The following MYADM variants were observed in gnomAD, a reference collection of about 807,000 sequenced individuals.
MYADM encodes myeloid-associated differentiation marker.
For synonymous variants in MYADM, 224 were observed against 210.2 expected (o/e 1.07, Z -0.57); for missense variants, 416 against 443.4 (o/e 0.94, Z 0.56).
In MYADM at chr19:53,873,874, G is replaced by A. The variant is rs1177924458; in HGVS notation, c.345G>A (p.Ser115=). 1.2e-6 allele frequency: 2 copies of A among 1,613,154 alleles called. No individual in the cohort carries two copies. Among genetic ancestry groups the A allele is most frequent in the Non-Finnish European group, 1.7e-6 (2 of 1,180,010 alleles). ...GCTATGCGGCCCTCTTCTGCCTCTC[G>A]GCCTCCATCATCTACCCCACCACCT... ...FACYAALFCL[S]ASIIYPTTYV... is the part of the protein sequence containing the mutation. Residue 115 remains serine, a synonymous_variant, in exon 3 of 3, where the codon TCG becomes TCA. Transcript: ENST00000391770. This position sits in a 1 kb window ranked among gnomAD's most constrained non-coding sequence, Gnocchi z 4.3.
Position 53,874,244 on chromosome 19 carries a change from T to C in MYADM, c.715T>C (p.Phe239Leu), listed in dbSNP as rs765535366. The C allele has an allele frequency of 6.2e-7, 1 of 1,610,730 alleles. No homozygotes were observed. The highest frequency in any genetic ancestry group is 2.2e-5 in the East Asian group (1 of 44,806). Reference sequence around the variant, plus strand: ...CGTGCTACCCATCCCCTTCCCCAGCTTCCTGTCGGGGCTGGCCTTGCTGTC... The same window carrying C: ...CGTGCTACCCATCCCCTTCCCCAGCCTCCTGTCGGGGCTGGCCTTGCTGTC... The part of the protein sequence containing the change: ...TNVLPIPFPS[F>L]LSGLALLSVL... The change falls in exon 3 of 3, where the codon TTC becomes CTC. Residue 239 changes from phenylalanine (F) to leucine (L), a missense_variant. Phe to Leu is a conservative substitution (Grantham distance 22). Transcript: ENST00000391770.
At position 53,875,933 on chromosome 19, in the gene MYADM, C is replaced by T. The variant is rs980077879; in HGVS notation, c.*1435C>T. 1 of 167,032 alleles carries T rather than the reference C, an allele frequency of 6.0e-6. No homozygotes were observed. The highest frequency in any genetic ancestry group is 2.4e-5 in the African/African-American group (1 of 41,418). 10.3% of individuals were successfully genotyped at this position (167,032 alleles called of 1,614,324 possible). The stretch of plus-strand genomic sequence containing the variant: ...ATTTGTGAGGGACAGCGATGTGGCC[C>T]TCTGTGTTAAGAATAACGTGTCCTG... On this transcript the variant is annotated 3_prime_UTR_variant, in exon 3 of 3. Coordinates refer to ENST00000391770, the MANE Select transcript of MYADM (RefSeq NM_138373.5).
chr19:53,868,803 G>A lies in MYADM; in HGVS notation c.-88+860G>A, dbSNP rs1390153174. ...GTCTGGCTGCGCATTCCTGAGCTCT[G>A]ATCTCGGGCGATGGCTGGAGGCCCT... is the stretch of plus-strand genomic sequence containing the variant. On this transcript the variant is annotated intron_variant, in intron 1 of 2. Coordinates refer to ENST00000391770, the MANE Select transcript of MYADM (RefSeq NM_138373.5). The surrounding 1 kb of genome is among the most constrained non-coding windows in gnomAD (Gnocchi z 6.3). 6.6e-6 allele frequency: 1 copy of A among 152,208 alleles called. No homozygotes were observed. The highest frequency in any genetic ancestry group is 2.4e-5 in the African/African-American group (1 of 41,438). 9.4% of individuals were successfully genotyped at this position (152,208 alleles called of 1,614,324 possible).
chr19:53,872,218 C>T (rs1173547730), intron 2 of MYADM, among the ~76,000 whole-genome samples: 6 of 150,898 alleles, frequency 4.0e-5, no homozygotes, highest in Non-Finnish European at 7.4e-5. Context: ...TTTTTTGAGG[C>T]GGAGTGTGGC....
chr19:53,870,790 G>A (rs557941059), intron 2 of MYADM, among the ~76,000 whole-genome samples: 1 of 152,300 alleles, frequency 6.6e-6, no homozygotes, highest in African/African-American at 2.4e-5. Context: ...AAGAGGACGG[G>A]CACTTGATTC....
At chr19:53,865,677 G>A (rs745363754), upstream of MYADM, 8 of 152,118 alleles carry the variant, frequency 5.3e-5, no homozygotes, top group East Asian at 1.9e-4. Context: ...CCCTGCTGTT[G>A]AGGGGTTCTA....
At chr19:53,867,548 T>C (rs1273049351), upstream of MYADM, among the ~76,000 whole-genome samples, 1 of 152,100 alleles carries the variant, frequency 6.6e-6, no homozygotes, top group Non-Finnish European at 1.5e-5. Context: ...GTAACGGTCT[T>C]CCCTGGCCTA....
In MYADM at chr19:53,873,923, C is replaced by T. The variant is rs746114179; in HGVS notation, c.394C>T (p.Arg132Cys). The change falls in exon 3 of 3, where the codon CGT becomes TGT. Residue 132 changes from arginine (R) to cysteine (C), a missense_variant. By Grantham distance (180) the Arg-to-Cys change is radical. Coordinates refer to ENST00000391770, the MANE Select transcript of MYADM (RefSeq NM_138373.5). This position sits in a 1 kb window ranked among gnomAD's most constrained non-coding sequence, Gnocchi z 4.3. ...TTYVQFLSHGRSRDHAIAATF... is the reference protein window; with the variant it reads ...TTYVQFLSHGCSRDHAIAATF... ...CTATGTCCAGTTCCTGTCCCACGGCCGTTCGCGGGACCACGCCATCGCCGC... is the reference window on the plus strand; with the variant it reads ...CTATGTCCAGTTCCTGTCCCACGGCTGTTCGCGGGACCACGCCATCGCCGC... 8.1e-6 allele frequency: 13 copies of T among 1,612,040 alleles called. No individual in the cohort carries two copies. Among genetic ancestry groups the T allele is most frequent in the African/African-American group, 1.3e-5 (1 of 74,940 alleles).
At chr19:53,870,005 TG>T (rs1182410497) in intron 2 of MYADM, among the ~76,000 whole-genome samples, 167 bp downstream of exon 2, 11 of 25,596 alleles carry the variant, frequency 4.3e-4, no homozygotes, top group Admixed American at 1.0e-3. Context: ...GAGGAGGGGC[TG>T]GGGGCCTGGG....
Position 53,874,202 on chromosome 19 carries a change from C to A in MYADM, c.673C>A (p.Leu225Met), listed in dbSNP as rs1193233377. The change falls in exon 3 of 3, where the codon CTG becomes ATG. Residue 225 changes from leucine to methionine, a missense_variant. Coordinates refer to ENST00000391770, the MANE Select transcript of MYADM (RefSeq NM_138373.5). ...AGCGGCCATCGCCATCCTGCTGAAC[C>A]TGGGGGAGTGCACCAACGTGCTACC... The part of the protein sequence containing the change: ...ILAAIAILLN[L>M]GECTNVLPIP... 1.2e-6 allele frequency: 2 copies of A among 1,613,816 alleles called. No homozygotes were observed. Among genetic ancestry groups the A allele is most frequent in the Non-Finnish European group, 1.7e-6 (2 of 1,179,804 alleles).
intron 2 of MYADM, chr19:53,872,780 G>A (rs2068419566): frequency 1.3e-5 from 2 of 152,612 alleles, no homozygotes; most frequent in African/African-American, 2.4e-5. Context: ...GGAGTGCTGG[G>A]ATTACAGGCA....
intron 2 of MYADM, among the ~76,000 whole-genome samples, chr19:53,872,558 A>G (rs1397453894): frequency 6.6e-6 from 1 of 151,680 alleles, no homozygotes; most frequent in African/African-American, 2.4e-5. Context: ...CCCAGGCTGG[A>G]GTGCACTGGT....
chr19:53,866,644 G>C (rs2068250094), upstream of MYADM, among the ~76,000 whole-genome samples: 1 of 151,894 alleles, frequency 6.6e-6, no homozygotes, highest in South Asian at 2.1e-4. This position sits in a 1 kb window ranked among gnomAD's most constrained non-coding sequence, Gnocchi z 4.3. Flanking sequence ...TGCAGGATCC[G>C]TGAATCCAGA....
rs2068454275 is a variant in MYADM, at chr19:53,873,936, A to G, written c.407A>G (p.His136Arg). 6 of 1,611,276 alleles carry G rather than the reference A, an allele frequency of 3.7e-6. No individual in the cohort carries two copies. Among genetic ancestry groups the G allele is most frequent in the Non-Finnish European group, 5.1e-6 (6 of 1,180,000 alleles). ...CTGTCCCACGGCCGTTCGCGGGACC[A>G]CGCCATCGCCGCCACCTTCTTCTCC... is the stretch of plus-strand genomic sequence containing the variant. Reference protein sequence around the residue: ...QFLSHGRSRDHAIAATFFSCI... With the variant: ...QFLSHGRSRDRAIAATFFSCI... The change falls in exon 3 of 3, where the codon CAC becomes CGC. Residue 136 changes from histidine (H) to arginine (R), a missense_variant. By Grantham distance (29) the His-to-Arg change is conservative (BLOSUM62 0). Transcript: ENST00000391770. This position sits in a 1 kb window ranked among gnomAD's most constrained non-coding sequence, Gnocchi z 4.3.
rs1440065827 is a variant in MYADM, at chr19:53,868,764, C to T, written c.-88+821C>T. 6.6e-6 allele frequency: 1 copy of T among 152,290 alleles called. No homozygotes were observed. The highest frequency in any genetic ancestry group is 2.4e-5 in the African/African-American group (1 of 41,398). The allele number at this position is 152,290 out of a possible 1,614,324, so 9.4% of individuals were successfully genotyped here. On this transcript the variant is annotated intron_variant, in intron 1 of 2. Coordinates refer to ENST00000391770, the MANE Select transcript of MYADM (RefSeq NM_138373.5). The surrounding 1 kb of genome is among the most constrained non-coding windows in gnomAD (Gnocchi z 6.3). ...TGCGAGGAATCCCGGAGGGGTGTTT[C>T]CTCACCCTCCAGGGTCTGGCTGCGC...
In MYADM at chr19:53,868,862, TC is replaced by T. The variant is rs1315482012; in HGVS notation, c.-87-891del. 7.1e-6 allele frequency: 1 copy of T among 141,140 alleles called. No homozygotes were observed. The highest frequency in any genetic ancestry group is 2.6e-5 in the African/African-American group (1 of 38,072). The allele number at this position is 141,140 out of a possible 1,614,324, so 8.7% of individuals were successfully genotyped here. ...GGTGGACCCCTCCCCTCCCCTCCCC[TC>T]GGCGCGCCCCCCTCCCCTGCGCGCC... On this transcript the variant is annotated intron_variant, in intron 1 of 2. Coordinates refer to ENST00000391770, the MANE Select transcript of MYADM (RefSeq NM_138373.5). The surrounding 1 kb of genome is among the most constrained non-coding windows in gnomAD (Gnocchi z 6.3).
At position 53,874,505 on chromosome 19, in the gene MYADM, C is replaced by G; in HGVS notation, c.*7C>G. The G allele has an allele frequency of 6.3e-7, 1 of 1,575,940 alleles. No homozygotes were observed. The highest frequency in any genetic ancestry group is 1.1e-5 in the South Asian group (1 of 87,020). Reference sequence around the variant, plus strand: ...GGTTTTTGTCAAGGTCTAAGACTCTCCCAAGAGGCTCCCGTTCCCTCTCCA... The same window carrying G: ...GGTTTTTGTCAAGGTCTAAGACTCTGCCAAGAGGCTCCCGTTCCCTCTCCA... On this transcript the variant is annotated 3_prime_UTR_variant, in exon 3 of 3. Coordinates refer to ENST00000391770, the MANE Select transcript of MYADM (RefSeq NM_138373.5).
In MYADM at chr19:53,873,275, G is replaced by T. The variant is rs989881794; in HGVS notation, c.-2-253G>T. On this transcript the variant is annotated intron_variant, in intron 2 of 2. Coordinates refer to ENST00000391770, the MANE Select transcript of MYADM (RefSeq NM_138373.5). This position sits in a 1 kb window ranked among gnomAD's most constrained non-coding sequence, Gnocchi z 4.3. ...TAATCTCAGCTACTCGGGAGGCTGA[G>T]GCAGGAGAATCACTTGAACCTGAGT... 2.0e-5 allele frequency among the ~76,000 whole-genome samples: 3 copies of T among 152,110 alleles called. No individual in the cohort carries two copies.
rs2122934790 is a variant in MYADM at position 53,873,431 on chromosome 19, G to C, written c.-2-97G>C. The C allele has an allele frequency of 7.7e-7, 1 of 1,304,648 alleles. No homozygotes were observed. Among genetic ancestry groups the C allele is most frequent in the Non-Finnish European group, 1.1e-6 (1 of 946,352 alleles). 80.8% of individuals were successfully genotyped at this position (1,304,648 alleles called of 1,614,324 possible). ...ACATCTTGGGAACTCCCTAATTAGA[G>C]CTCATATTAATTTGTCCCTGGGGTA... On this transcript the variant is annotated intron_variant, in intron 2 of 2. Coordinates refer to ENST00000391770, the MANE Select transcript of MYADM (RefSeq NM_138373.5). The surrounding 1 kb of genome is among the most constrained non-coding windows in gnomAD (Gnocchi z 4.3).
Sources: gnomAD v4.1 joint callset for allele counts (sites outside exome capture counted in the v4.1 genomes callset) on GRCh38, gnomAD v4.1.1 for gene constraint, Gnocchi (gnomAD v3.1) non-coding constraint, MANE v1.5 for transcripts, NCBI Gene and HGNC (gene_info 2026-07-23, HGNC 2026-07-21) for gene names.